PRR16: variants seen among roughly 807,000 people sequenced by gnomAD.
The protein encoded by PRR16 is proline rich 16, also known as protein Largen.
Under a neutral mutation model 18.2 loss-of-function variants are expected in PRR16, and 6 were observed. That is an observed-to-expected ratio of 0.33 (90% CI 0.18 to 0.65). The LOEUF (loss-of-function observed/expected upper bound fraction) is 0.65. Ranked by LOEUF, PRR16 falls within the 30% of genes least tolerant of loss-of-function variation. The pLI is 0.74. For synonymous variants in PRR16, 151 were observed against 147.8 expected (o/e 1.02, Z -0.16); for missense variants, 412 against 376.6 (o/e 1.09, Z -0.78).
rs148226801 is a variant in PRR16, at chr5:120,494,865, C to G, written c.159+30220C>G. 4.4e-3 allele frequency among the ~76,000 whole-genome samples: 667 copies of G among 152,092 alleles called. 8 individuals carry two copies. The highest frequency in any genetic ancestry group is 0.016 in the African/African-American group (649 of 41,532). ...AAACTAGCTTTCTTCCATTGAGTTG[C>G]TTTTGGTCCTTTATAAAAAAATCAG... On this transcript the variant is annotated intron_variant, in intron 1 of 1. Transcript: ENST00000407149.
chr5:120,788,718 G>GT, the PRR16 span, among the ~76,000 whole-genome samples: 4 of 151,984 alleles, frequency 2.6e-5, no homozygotes, highest in African/African-American at 4.8e-5. Context: ...ATGAAAGATT[G>GT]TTTTTTACTA....
chr5:120,751,811 C>T, the PRR16 span, among the ~76,000 whole-genome samples: 2 of 151,948 alleles, frequency 1.3e-5, no homozygotes, highest in East Asian at 1.9e-4. Flanking sequence ...GGTGGAAGTA[C>T]TTTAGTGTTC....
chr5:120,762,316 AATTTAC>A, the PRR16 span, among the ~76,000 whole-genome samples: 1 of 152,120 alleles, frequency 6.6e-6, no homozygotes. Context: ...TAATTGTATT[AATTTAC>A]ATTCCTAACA....
intron 1 of PRR16, among the ~76,000 whole-genome samples, chr5:120,496,873 G>C (rs1397943227): frequency 1.3e-5 from 2 of 151,896 alleles, no homozygotes; most frequent in Non-Finnish European, 2.9e-5. Flanking sequence ...TGCTTTAGCT[G>C]TTCTCCACAT....
intron 1 of PRR16, among the ~76,000 whole-genome samples, chr5:120,503,683 C>T (rs1287700535): frequency 6.6e-6 from 1 of 151,964 alleles, no homozygotes; most frequent in Non-Finnish European, 1.5e-5. Flanking sequence ...TACATGTGCA[C>T]AATGTGCAGG....
At chr5:120,515,372 A>C (rs1424318466) in intron 1 of PRR16, among the ~76,000 whole-genome samples, 2 of 152,206 alleles carry the variant, frequency 1.3e-5, no homozygotes, top group Admixed American at 1.3e-4. Flanking sequence ...TGGGAGACAC[A>C]TTCAAACCAT....
the PRR16 span, among the ~76,000 whole-genome samples, chr5:120,757,338 T>C: frequency 2.6e-5 from 4 of 152,216 alleles, no homozygotes; most frequent in African/African-American, 9.6e-5. Context: ...GGATAGTTTT[T>C]CTAGTTCTGT....
At chr5:120,666,297 T>C (rs1279517370) in intron 1 of PRR16, among the ~76,000 whole-genome samples, 3 of 152,202 alleles carry the variant, frequency 2.0e-5, no homozygotes, top group Admixed American at 1.3e-4. Flanking sequence ...GTGATTTTTG[T>C]ACATTGATTT....
At chr5:120,649,409 G>A (rs1755701151) in intron 1 of PRR16, among the ~76,000 whole-genome samples, 1 of 152,130 alleles carries the variant, frequency 6.6e-6, no homozygotes, top group African/African-American at 2.4e-5. Flanking sequence ...TTACCCCAGA[G>A]ATGAATGAAA....
At chr5:120,465,214 G>A (rs1039649168) in intron 1 of PRR16, among the ~76,000 whole-genome samples, 15 of 152,160 alleles carry the variant, frequency 9.9e-5, no homozygotes, top group Non-Finnish European at 1.6e-4. Flanking sequence ...CAGCCTTGGG[G>A]CTAAGGAGGG....
the PRR16 span, among the ~76,000 whole-genome samples, chr5:120,731,532 A>C: frequency 6.6e-6 from 1 of 152,286 alleles, no homozygotes. Flanking sequence ...CTCATAAAAA[A>C]ACTACAGATG....
the PRR16 span, among the ~76,000 whole-genome samples, chr5:120,704,589 G>T: frequency 6.6e-6 from 1 of 152,000 alleles, no homozygotes. Flanking sequence ...TTTGCTTTCC[G>T]TTATATACCA....
chr5:120,752,549 A>T, the PRR16 span, among the ~76,000 whole-genome samples: 1 of 152,054 alleles, frequency 6.6e-6, no homozygotes, highest in Non-Finnish European at 1.5e-5. Flanking sequence ...GACCCAAAAG[A>T]AAAGGGAAAA....
At chr5:120,667,788 G>A (rs1041291658) in intron 1 of PRR16, among the ~76,000 whole-genome samples, 3 of 152,074 alleles carry the variant, frequency 2.0e-5, no homozygotes, top group African/African-American at 4.8e-5. Flanking sequence ...TTAATCCTGA[G>A]TTCTAGTTTG....
the PRR16 span, among the ~76,000 whole-genome samples, chr5:120,716,243 G>C: frequency 6.6e-6 from 1 of 152,102 alleles, no homozygotes; most frequent in African/African-American, 2.4e-5. Flanking sequence ...GACCAGCAGA[G>C]ATCTGTCTTC....
At chr5:120,716,250 C>A in the PRR16 span, among the ~76,000 whole-genome samples, 1 of 152,148 alleles carries the variant, frequency 6.6e-6, no homozygotes, top group Non-Finnish European at 1.5e-5. Flanking sequence ...AGAGATCTGT[C>A]TTCCTGCCTA....
intron 1 of PRR16, among the ~76,000 whole-genome samples, chr5:120,536,476 C>T (rs992356892): frequency 2.6e-5 from 4 of 152,154 alleles, no homozygotes; most frequent in Middle Eastern, 3.2e-3. Context: ...AGTTCAAAGA[C>T]TCCTACAGAT....
At chr5:120,492,689 A>G (rs1302597638) in intron 1 of PRR16, among the ~76,000 whole-genome samples, 3 of 152,114 alleles carry the variant, frequency 2.0e-5, no homozygotes, top group Admixed American at 2.0e-4. Flanking sequence ...CACCGTACCC[A>G]ATGTAGTCTT....
chr5:120,617,023 T>A, intron 1 of PRR16: 2 of 686,654 alleles, frequency 2.9e-6, no homozygotes, highest in Non-Finnish European at 3.6e-6. Context: ...CTGCACCATG[T>A]CCAGTCCAGT....
Sources: gnomAD v4.1 joint callset for allele counts (sites outside exome capture counted in the v4.1 genomes callset) on GRCh38, gnomAD v4.1.1 for gene constraint, MANE v1.5 for transcripts, NCBI Gene and HGNC (gene_info 2026-07-23, HGNC 2026-07-21) for gene names.